SAMD8: variants seen among roughly 807,000 people sequenced by gnomAD.
SAMD8 encodes the protein sphingomyelin synthase-related protein 1.
A neutral mutation model predicts 42.0 loss-of-function variants in SAMD8; 20 were observed. The ratio of observed to expected loss-of-function variants is 0.48; its 90% CI spans 0.34 to 0.69. The LOEUF (loss-of-function observed/expected upper bound fraction) is 0.69, where lower values mean the gene tolerates loss of function less well. Among genes scored for constraint, SAMD8 ranks in the 30% least tolerant of loss-of-function variants. The pLI is 0.01. For missense variants in SAMD8, 328 were observed against 511.6 expected, an observed-to-expected ratio of 0.64 and a Z score of 3.46; for synonymous variants, 162 against 173.0, an observed-to-expected ratio of 0.94 and a Z score of 0.50.
At chr10:75,144,754 C>T (rs1330777627) in intron 1 of SAMD8, among the ~76,000 whole-genome samples, 1 of 151,970 alleles carries the variant, frequency 6.6e-6, no homozygotes, top group Non-Finnish European at 1.5e-5. Flanking sequence ...AACTCCTGGG[C>T]TTAGGTGACC....
intron 1 of SAMD8, among the ~76,000 whole-genome samples, chr10:75,146,196 G>A (rs1429052839): frequency 1.3e-5 from 2 of 151,204 alleles, no homozygotes; most frequent in Non-Finnish European, 2.9e-5. Context: ...ACTCAAGGCC[G>A]TAACCTGGGG....
At chr10:75,114,044 A>G (rs921543875) in intron 1 of SAMD8, among the ~76,000 whole-genome samples, 7 of 152,168 alleles carry the variant, frequency 4.6e-5, no homozygotes, top group African/African-American at 1.2e-4. Context: ...AATAAAGAAA[A>G]TCAGTTTTTG....
intron 1 of SAMD8, chr10:75,104,050 C>T: frequency 7.3e-7 from 1 of 1,362,818 alleles, no homozygotes; most frequent in Non-Finnish European, 9.8e-7. Context: ...GGATCAGTGC[C>T]AGGGTGGCAA....
chr10:75,128,270 A>G (rs1003920401), intron 1 of SAMD8, among the ~76,000 whole-genome samples: 1 of 151,810 alleles, frequency 6.6e-6, no homozygotes, highest in Admixed American at 6.6e-5. Context: ...ACAGCATTTC[A>G]CCATGTTGGC....
chr10:75,158,121 T>C (rs1840460120), intron 2 of SAMD8, among the ~76,000 whole-genome samples: 1 of 149,638 alleles, frequency 6.7e-6, no homozygotes, highest in South Asian at 2.1e-4. Flanking sequence ...ATCACACCAT[T>C]GCACTCCAGC....
At chr10:75,160,047 C>CG (rs1840520220) in intron 2 of SAMD8, among the ~76,000 whole-genome samples, 2 of 101,260 alleles carry the variant, frequency 2.0e-5, no homozygotes, top group East Asian at 1.1e-3. Context: ...AGGGAGGAAA[C>CG]AAAACACTAT....
At chr10:75,130,195 T>C (rs569074539) in intron 1 of SAMD8, among the ~76,000 whole-genome samples, 34 of 152,012 alleles carry the variant, frequency 2.2e-4, no homozygotes, top group Admixed American at 1.8e-3. Flanking sequence ...AAGATATGAA[T>C]GCTTAAAAAA....
At chr10:75,121,382 A>G (rs557469199) in intron 1 of SAMD8, among the ~76,000 whole-genome samples, 1 of 152,278 alleles carries the variant, frequency 6.6e-6, no homozygotes, top group South Asian at 2.1e-4. Context: ...CTCTAGCCTT[A>G]GTTTCTTCAG....
At chr10:75,117,542 T>A (rs1848914733) in intron 1 of SAMD8, among the ~76,000 whole-genome samples, 1 of 152,010 alleles carries the variant, frequency 6.6e-6, no homozygotes, top group Non-Finnish European at 1.5e-5. Flanking sequence ...TGGTGAAACC[T>A]TTTCTCTGCT....
chr10:75,136,658 C>A (rs1386063344), intron 1 of SAMD8, among the ~76,000 whole-genome samples: 2 of 152,186 alleles, frequency 1.3e-5, no homozygotes, highest in Non-Finnish European at 2.9e-5. Flanking sequence ...GGAATGCTAC[C>A]TTTGCTACAG....
chr10:75,152,815 A>G (rs1031608247), intron 2 of SAMD8, among the ~76,000 whole-genome samples: 1 of 152,026 alleles, frequency 6.6e-6, no homozygotes, highest in Non-Finnish European at 1.5e-5. Flanking sequence ...ACAGTGAGCT[A>G]TAGTTACACC....
intron 3 of SAMD8, 37 bp from the exon 4 acceptor site, chr10:75,168,504 T>C (rs574844529): frequency 1.9e-6 from 3 of 1,605,338 alleles, no homozygotes; most frequent in Non-Finnish European, 2.6e-6. Flanking sequence ...GTTTGTTTTC[T>C]TCTGATCTTT....
At chr10:75,165,153 G>A (rs1840645172) in intron 3 of SAMD8, among the ~76,000 whole-genome samples, 2 of 152,184 alleles carry the variant, frequency 1.3e-5, no homozygotes, top group Admixed American at 6.5e-5. Flanking sequence ...AACTGGGCGT[G>A]GTGGCGCATG....
chr10:75,157,981 G>A (rs1840454840), intron 2 of SAMD8, among the ~76,000 whole-genome samples: 1 of 151,882 alleles, frequency 6.6e-6, no homozygotes, highest in South Asian at 2.1e-4. Context: ...CCAACATGGA[G>A]AAACCGCATC....
chr10:75,117,084 C>G (rs1017797344), intron 1 of SAMD8, among the ~76,000 whole-genome samples: 11 of 150,768 alleles, frequency 7.3e-5, no homozygotes, highest in African/African-American at 2.7e-4. Flanking sequence ...GTTGGGTTTA[C>G]AGGCGTGAAC....
At chr10:75,111,523 G>A, upstream of SAMD8, 2 of 1,231,132 alleles carry the variant, frequency 1.6e-6, no homozygotes, top group Non-Finnish European at 2.0e-6. Flanking sequence ...GCAGCTGCCG[G>A]CGCGGCGGTG....
At chr10:75,128,515 A>G (rs1849199575) in intron 1 of SAMD8, among the ~76,000 whole-genome samples, 1 of 152,188 alleles carries the variant, frequency 6.6e-6, no homozygotes, top group Non-Finnish European at 1.5e-5. Flanking sequence ...CCCAGCTTAG[A>G]TATTTTTAAT....
chr10:75,142,629 G>T (rs1473437103), intron 1 of SAMD8, among the ~76,000 whole-genome samples: 3 of 151,878 alleles, frequency 2.0e-5, no homozygotes, highest in Non-Finnish European at 4.4e-5. Context: ...TAGAGACGGG[G>T]TTTCACCATG....
chr10:75,133,224 A>T (rs1230103427), intron 1 of SAMD8, among the ~76,000 whole-genome samples: 1 of 128,382 alleles, frequency 7.8e-6, no homozygotes, highest in Non-Finnish European at 1.6e-5. Flanking sequence ...AGCATGGCAA[A>T]ACCCCATCTC....
Sources: gnomAD v4.1 joint callset for allele counts (sites outside exome capture counted in the v4.1 genomes callset) on GRCh38, gnomAD v4.1.1 for gene constraint, MANE v1.5 for transcripts, NCBI Gene and HGNC (gene_info 2026-07-23, HGNC 2026-07-21) for gene names.